LUC7L: variants seen among roughly 807,000 people sequenced by gnomAD.
LUC7L encodes putative RNA-binding protein Luc7-like 1.
A neutral mutation model predicts 51.1 loss-of-function variants in LUC7L; 29 were observed. The ratio of observed to expected loss-of-function variants is 0.57; its 90% CI spans 0.42 to 0.77. LUC7L has a LOEUF of 0.77. Among genes scored for constraint, LUC7L ranks in the 30% least tolerant of loss-of-function variants. The pLI, the probability that LUC7L is intolerant of heterozygous loss-of-function variation, is 0.00. For synonymous variants in LUC7L, 181 were observed against 180.7 expected (o/e 1.00, Z -0.01); for missense variants, 403 against 511.9 (o/e 0.79, Z 2.05).
chr16:227,864 C>A (rs1213191346), intron 1 of LUC7L: 5 of 1,000,490 alleles, frequency 5.0e-6, no homozygotes, highest in Non-Finnish European at 6.0e-6. Context: ...ACGTCCCTTT[C>A]GTTCCCACCC....
In LUC7L at chr16:221,340, T is replaced by C. The variant is rs112635021; in HGVS notation, c.157-593A>G. Among the ~76,000 whole-genome samples the C allele has an allele frequency of 1.6e-3, 243 of 152,006 alleles. 1 individual carries two copies. Among genetic ancestry groups the C allele is most frequent in the African/African-American group, 5.6e-3 (232 of 41,498 alleles). On this transcript the variant is annotated intron_variant, in intron 2 of 9. Transcript: ENST00000293872. ...CATTACAGGTGTGAGCCACGGTGCC[T>C]GGCCCAGTTTTATTTATGCATCAGT...
chr16:227,492 T>G, intron 1 of LUC7L, 156 bp from the exon 2 acceptor site: 2 of 1,448,462 alleles, frequency 1.4e-6, no homozygotes, highest in South Asian at 1.4e-5. Context: ...TATTTACAAC[T>G]GGAGTGGAAT....
intron 2 of LUC7L, among the ~76,000 whole-genome samples, chr16:221,464 G>A (rs1379798842): frequency 6.6e-6 from 1 of 152,074 alleles, no homozygotes; most frequent in Non-Finnish European, 1.5e-5. Context: ...CACTTTGGGA[G>A]GGTGAGGCAG....
intron 6 of LUC7L, 138 bp from the exon 7 acceptor site, chr16:193,153 CTT>C: frequency 3.0e-6 from 2 of 672,644 alleles, no homozygotes; most frequent in Non-Finnish European, 5.2e-6. Flanking sequence ...AATGGGAATA[CTT>C]TTTTTTTTCT....
At chr16:218,694 T>C (rs767053382) in intron 3 of LUC7L, among the ~76,000 whole-genome samples, 1 of 151,374 alleles carries the variant, frequency 6.6e-6, no homozygotes. Context: ...GCATTCCAGC[T>C]TGGGCAACAG....
Position 189,560 on chromosome 16 carries a change from C to A in LUC7L, c.975-221G>T. 2.2e-6 allele frequency: 3 copies of A among 1,387,126 alleles called. No homozygotes were observed. The South Asian group carries it at 5.5e-5, about 26-fold the overall frequency. 85.9% of individuals were successfully genotyped at this position (1,387,126 alleles called of 1,614,324 possible). A position where few individuals can be genotyped will look rare whatever the true frequency, so the allele number is the denominator to read the frequency against. ...AGATTTTTAATAAGGAGAGCCTTCA[C>A]TGTAACATAAACAGTGCAAAGGAGA... is the stretch of plus-strand genomic sequence containing the variant. On this transcript the variant is annotated intron_variant, in intron 9 of 9. Coordinates refer to ENST00000293872, the MANE Select transcript of LUC7L (RefSeq NM_201412.3).
At chr16:222,250 T>C (rs1252608521) in intron 2 of LUC7L, among the ~76,000 whole-genome samples, 1 of 149,234 alleles carries the variant, frequency 6.7e-6, no homozygotes, top group African/African-American at 2.5e-5. Flanking sequence ...TGTCAAGTTA[T>C]AGAGTGCATG....
At chr16:207,684 G>A (rs1410035921) in intron 4 of LUC7L, among the ~76,000 whole-genome samples, 1 of 152,156 alleles carries the variant, frequency 6.6e-6, no homozygotes, top group Non-Finnish European at 1.5e-5. Context: ...AGAGAGTACT[G>A]TCCACACAAT....
intron 6 of LUC7L, among the ~76,000 whole-genome samples, chr16:196,225 C>T (rs796596973): frequency 1.3e-5 from 2 of 151,940 alleles, no homozygotes; most frequent in Non-Finnish European, 2.9e-5. Context: ...CTGAGCAACA[C>T]GGTGAAACCC....
intron 3 of LUC7L, among the ~76,000 whole-genome samples, chr16:218,207 G>T (rs1323081608): frequency 6.6e-6 from 1 of 151,654 alleles, no homozygotes; most frequent in African/African-American, 2.4e-5. Flanking sequence ...AAAAAAAAAG[G>T]AAGAATTTAC....
chr16:224,904 G>C (rs552530483), intron 2 of LUC7L, among the ~76,000 whole-genome samples: 1 of 152,144 alleles, frequency 6.6e-6, no homozygotes, highest in Non-Finnish European at 1.5e-5. Flanking sequence ...AAGAGTCCCT[G>C]CTTAAGCACA....
intron 6 of LUC7L, among the ~76,000 whole-genome samples, chr16:195,691 G>C (rs1176542820): frequency 6.6e-6 from 1 of 152,096 alleles, no homozygotes; most frequent in Non-Finnish European, 1.5e-5. Context: ...CCTAAAGACT[G>C]GAATTACAGG....
At chr16:197,724 G>T (rs536834605) in intron 6 of LUC7L, among the ~76,000 whole-genome samples, 1 of 152,282 alleles carries the variant, frequency 6.6e-6, no homozygotes, top group Admixed American at 6.5e-5. Flanking sequence ...CCTGCCATAT[G>T]CGGCCTGAGT....
intron 6 of LUC7L, among the ~76,000 whole-genome samples, chr16:197,463 G>T (rs958276398): frequency 6.6e-6 from 1 of 152,014 alleles, no homozygotes; most frequent in Non-Finnish European, 1.5e-5. Flanking sequence ...CACCTGCCTC[G>T]GCCTCCCGAA....
chr16:190,632 C>A, intron 7 of LUC7L, 62 bp from the exon 8 acceptor site: 3 of 1,507,140 alleles, frequency 2.0e-6, no homozygotes, highest in Non-Finnish European at 1.8e-6. Context: ...GTAATCCCAG[C>A]ACTTCGGGGA....
chr16:199,788 G>A (rs899548220), intron 5 of LUC7L, among the ~76,000 whole-genome samples: 11 of 137,984 alleles, frequency 8.0e-5, no homozygotes, highest in Admixed American at 1.5e-4. Context: ...AAGAGAGATC[G>A]AGACCATCCT....
intron 2 of LUC7L, among the ~76,000 whole-genome samples, chr16:226,491 G>A (rs1399625748): frequency 6.6e-6 from 1 of 152,168 alleles, no homozygotes; most frequent in Non-Finnish European, 1.5e-5. Context: ...TTCATCTGAA[G>A]TGAACTTAAA....
intron 9 of LUC7L, chr16:189,707 C>G: frequency 7.4e-7 from 1 of 1,358,160 alleles, no homozygotes; most frequent in Non-Finnish European, 9.5e-7. Flanking sequence ...CTCAGCCACT[C>G]TGAGCATGGA....
intron 2 of LUC7L, among the ~76,000 whole-genome samples, chr16:226,680 C>CACGCAG (rs2050141284): frequency 6.6e-6 from 1 of 152,126 alleles, no homozygotes; most frequent in Non-Finnish European, 1.5e-5. Flanking sequence ...CAAACAAACC[C>CACGCAG]ACGCAGAATC....
Sources: allele counts gnomAD v4.1 joint callset (sites outside exome capture counted in the v4.1 genomes callset), GRCh38; gene constraint gnomAD v4.1.1; transcripts MANE v1.5; gene names NCBI Gene and HGNC (gene_info 2026-07-23, HGNC 2026-07-21).